The following COG5 variants were observed in gnomAD, a reference collection of about 807,000 sequenced individuals.
COG5 encodes conserved oligomeric Golgi complex subunit 5.
A neutral mutation model predicts 110.4 loss-of-function variants in COG5; 86 were observed. The observed-to-expected ratio is 0.78, with a 90% CI of 0.65 to 0.93. The LOEUF is 0.93. Among genes scored for constraint, COG5 ranks in the 40% least tolerant of loss-of-function variants. COG5 has a pLI of 0.00. For synonymous variants in COG5, 360 were observed against 334.6 expected (o/e 1.08, Z -0.83); for missense variants, 1,077 against 987.0 (o/e 1.09, Z -1.22).
chr7:107,296,109 A>C (rs1806717706), intron 12 of COG5, among the ~76,000 whole-genome samples: 2 of 146,218 alleles, frequency 1.4e-5, no homozygotes, highest in African/African-American at 2.5e-5. Context: ...TTCCTTCCTC[A>C]CACAGTGACC....
chr7:107,288,055 T>C (rs530650237), intron 12 of COG5, among the ~76,000 whole-genome samples: 2 of 152,278 alleles, frequency 1.3e-5, no homozygotes, highest in South Asian at 2.1e-4. Flanking sequence ...CTGGGTCATA[T>C]GGTAACTATG....
At chr7:107,551,329 T>C (rs1261640327) in intron 3 of COG5, among the ~76,000 whole-genome samples, 1 of 152,224 alleles carries the variant, frequency 6.6e-6, no homozygotes, top group East Asian at 1.9e-4. Context: ...ACAAAAACTC[T>C]ATTGCTATAG....
intron 7 of COG5, among the ~76,000 whole-genome samples, chr7:107,391,399 T>C (rs1308975109): frequency 1.3e-5 from 2 of 152,202 alleles, no homozygotes; most frequent in Non-Finnish European, 2.9e-5. Flanking sequence ...ATCAGATAAA[T>C]GGTTTGCAAA....
intron 21 of COG5, chr7:107,209,975 C>T: frequency 2.0e-6 from 2 of 989,916 alleles, no homozygotes; most frequent in South Asian, 9.2e-5. Flanking sequence ...AGCACCCCAC[C>T]CTGGGCATGG....
intron 6 of COG5, among the ~76,000 whole-genome samples, chr7:107,434,824 G>T (rs1452604104): frequency 6.6e-6 from 1 of 152,016 alleles, no homozygotes; most frequent in East Asian, 1.9e-4. Context: ...CAAAAAATTA[G>T]TTGGATGTGG....
intron 6 of COG5, among the ~76,000 whole-genome samples, chr7:107,422,262 C>T (rs1793348244): frequency 6.6e-6 from 1 of 152,094 alleles, no homozygotes. Context: ...CACTGTTTGC[C>T]TATCATATTT....
intron 6 of COG5, among the ~76,000 whole-genome samples, chr7:107,413,918 A>G (rs912851726): frequency 6.6e-6 from 1 of 152,236 alleles, no homozygotes; most frequent in African/African-American, 2.4e-5. Flanking sequence ...AATCTAAGTA[A>G]TCTGAACAAA....
At chr7:107,209,636 C>CA (rs200207817) in intron 21 of COG5, 1,962 of 180,422 alleles carry the variant, frequency 0.011, 11 homozygotes, top group Non-Finnish European at 0.013. Context: ...AAATGACACA[C>CA]AAAAAAAAAT....
At chr7:107,286,720 T>A (rs1404391292) in intron 12 of COG5, among the ~76,000 whole-genome samples, 1 of 152,214 alleles carries the variant, frequency 6.6e-6, no homozygotes, top group East Asian at 1.9e-4. Context: ...TCTTGTTTTT[T>A]TCCCTCTTAC....
At chr7:107,349,564 CTT>C (rs553205073) in intron 10 of COG5, among the ~76,000 whole-genome samples, 1 of 140,902 alleles carries the variant, frequency 7.1e-6, no homozygotes, top group Non-Finnish European at 1.6e-5. Context: ...TCATGCTTGG[CTT>C]TTTTTTTTTG....
At chr7:107,290,123 T>C (rs1319834834) in intron 12 of COG5, among the ~76,000 whole-genome samples, 1 of 152,206 alleles carries the variant, frequency 6.6e-6, no homozygotes. Context: ...AATGCATAAC[T>C]GACTGTTCCT....
At chr7:107,265,943 T>A (rs576823517) in intron 14 of COG5, among the ~76,000 whole-genome samples, 2 of 152,094 alleles carry the variant, frequency 1.3e-5, no homozygotes, top group Admixed American at 6.5e-5. Context: ...TGGTCCCAGG[T>A]CCTCAGGAGG....
intron 11 of COG5, among the ~76,000 whole-genome samples, chr7:107,322,927 T>A (rs1406098097): frequency 6.6e-6 from 1 of 152,206 alleles, no homozygotes; most frequent in Non-Finnish European, 1.5e-5. Context: ...GGAAGAATCT[T>A]AATTATGCTG....
intron 6 of COG5, among the ~76,000 whole-genome samples, chr7:107,441,513 T>A (rs1454493508): frequency 6.6e-6 from 1 of 152,146 alleles, no homozygotes; most frequent in Non-Finnish European, 1.5e-5. Context: ...GTGCATTCAA[T>A]CCAATGTTTG....
At chr7:107,205,394 C>CTAT (rs1447977683) in intron 21 of COG5, among the ~76,000 whole-genome samples, 3 of 152,150 alleles carry the variant, frequency 2.0e-5, no homozygotes, top group Non-Finnish European at 4.4e-5. Context: ...CTTGATGTGG[C>CTAT]CTAAAAAGAC....
At chr7:107,533,016 G>T (rs975475762) in intron 5 of COG5, among the ~76,000 whole-genome samples, 1 of 147,692 alleles carries the variant, frequency 6.8e-6, no homozygotes, top group Non-Finnish European at 1.5e-5. Context: ...GCCTCCACTG[G>T]TGATACTCAA....
intron 7 of COG5, among the ~76,000 whole-genome samples, chr7:107,405,699 T>C (rs1302169926): frequency 6.6e-6 from 1 of 152,196 alleles, no homozygotes; most frequent in Non-Finnish European, 1.5e-5. Flanking sequence ...GCTGCAATAG[T>C]CTGAATGTTT....
chr7:107,510,661 C>A (rs1184906845), intron 6 of COG5, among the ~76,000 whole-genome samples: 7 of 152,174 alleles, frequency 4.6e-5, no homozygotes, highest in Non-Finnish European at 7.3e-5. Context: ...AAGCACTCCT[C>A]AGCAAATGTA....
chr7:107,448,210 T>G (rs1224191124), intron 6 of COG5, among the ~76,000 whole-genome samples: 1 of 151,008 alleles, frequency 6.6e-6, no homozygotes, highest in African/African-American at 2.5e-5. Flanking sequence ...CATGGAATGT[T>G]ATATTGCTGA....
Sources: gnomAD v4.1 joint callset for allele counts (sites outside exome capture counted in the v4.1 genomes callset) on GRCh38, gnomAD v4.1.1 for gene constraint, MANE v1.5 for transcripts, NCBI Gene and HGNC (gene_info 2026-07-23, HGNC 2026-07-21) for gene names.